RCBTB1: variants seen among roughly 807,000 people sequenced by gnomAD.
RCBTB1 encodes the protein RCC1 and BTB domain containing protein 1, also known as RCC1 and BTB domain-containing protein 1.
In RCBTB1, 46 loss-of-function variants were observed where a neutral mutation model predicts 62.4. That is an observed-to-expected ratio of 0.74 (90% CI 0.58 to 0.94). RCBTB1 has a LOEUF of 0.94. Among genes scored for constraint, RCBTB1 ranks in the 40% least tolerant of loss-of-function variants. RCBTB1 has a pLI of 0.00. For synonymous variants in RCBTB1, 222 were observed against 245.8 expected (o/e 0.90, Z 0.91); for missense variants, 565 against 654.9 (o/e 0.86, Z 1.50).
rs189670200 is a variant in RCBTB1, at chr13:49,534,832, G to A, written c.1456-570C>T. 7.2e-5 allele frequency among the ~76,000 whole-genome samples: 11 copies of A among 152,230 alleles called. No homozygotes were observed. The East Asian group carries it at 1.7e-3, about 24-fold the overall frequency. ...GCGGATCACTTGAGGTCAGGAGTTC[G>A]AGACCAGCCTGGCCAACATAGGGAA... On this transcript the variant is annotated intron_variant, in intron 12 of 12. Transcript: ENST00000378302.
In RCBTB1 at chr13:49,551,479, A is replaced by G. The variant is rs753560745; in HGVS notation, c.712-11T>C. ...GTAACCGCAGACAATCTGCAAGTAA[A>G]TTGAAACGGTTACCATTAGCAGGAA... On this transcript the variant is annotated splice_polypyrimidine_tract_variant and intron_variant, in intron 7 of 12. Coordinates refer to ENST00000378302, the MANE Select transcript of RCBTB1 (RefSeq NM_018191.4). The G allele has an allele frequency of 6.2e-7, 1 of 1,613,818 alleles. No individual in the cohort carries two copies. The highest frequency in any genetic ancestry group is 1.1e-5 in the South Asian group (1 of 91,016).
At chr13:49,565,945 G>A (rs910809749) in intron 4 of RCBTB1, among the ~76,000 whole-genome samples, 4 of 151,312 alleles carry the variant, frequency 2.6e-5, no homozygotes, top group African/African-American at 7.3e-5. Context: ...TTGGGATGCT[G>A]TTGATCTATG....
At chr13:49,573,463 T>TG in intron 2 of RCBTB1, among the ~76,000 whole-genome samples, 1 of 151,666 alleles carries the variant, frequency 6.6e-6, no homozygotes, top group Admixed American at 6.6e-5. Flanking sequence ...TTTTTTTTTT[T>TG]TTGAGATGGA....
intron 2 of RCBTB1, among the ~76,000 whole-genome samples, chr13:49,572,421 C>T (rs1963466215): frequency 6.6e-6 from 1 of 151,874 alleles, no homozygotes; most frequent in African/African-American, 2.4e-5. Context: ...TTTGCCTAAA[C>T]ATGAAAGAAA....
chr13:49,574,876 G>A (rs1028503993), intron 2 of RCBTB1, among the ~76,000 whole-genome samples: 3 of 152,076 alleles, frequency 2.0e-5, no homozygotes, highest in African/African-American at 7.2e-5. Context: ...ACAAAATGTG[G>A]TCTACACATA....
rs529396862 is a variant in RCBTB1 at position 49,532,061 on chromosome 13, G to T, written c.*2061C>A. ...TAAGAAGTTCAAGAGTACATTTAGG[G>T]CTATCTTAAGAAATATGAATACTTT... On this transcript the variant is annotated 3_prime_UTR_variant, in exon 13 of 13. Coordinates refer to ENST00000378302, the MANE Select transcript of RCBTB1 (RefSeq NM_018191.4). 6.6e-6 allele frequency: 1 copy of T among 152,584 alleles called. No individual in the cohort carries two copies. The highest frequency in any genetic ancestry group is 2.1e-4 in the South Asian group (1 of 4,812). The allele number at this position is 152,584 out of a possible 1,614,324, so 9.5% of individuals were successfully genotyped here.
rs11458278 is a variant in RCBTB1 at position 49,559,655 on chromosome 13, C to CAA, written c.444+261_444+262dup. Among the ~76,000 whole-genome samples the CAA allele has an allele frequency of 4.1e-3, 430 of 103,710 alleles. 12 individuals are homozygous for CAA. Among genetic ancestry groups the CAA allele is most frequent in the Non-Finnish European group, 5.3e-3 (295 of 55,632 alleles). 68.0% of individuals were successfully genotyped at this position (103,710 alleles called of 152,430 possible). A position where few individuals can be genotyped will look rare whatever the true frequency, so the allele number is the denominator to read the frequency against. On this transcript the variant is annotated intron_variant, in intron 5 of 12. Transcript: ENST00000378302. The stretch of plus-strand genomic sequence containing the variant: ...TGGGCGACAGAGCGAGACTCCATCT[C>CAA]AAAAAAAAAAAAAAAAAGAAAGTTG...
chr13:49,554,549 G>A (rs557080365), intron 6 of RCBTB1, among the ~76,000 whole-genome samples: 17 of 152,098 alleles, frequency 1.1e-4, no homozygotes, highest in Admixed American at 2.6e-4. Context: ...GTACCAGTCC[G>A]TGCCCTGTTA....
intron 4 of RCBTB1, among the ~76,000 whole-genome samples, chr13:49,564,840 G>A (rs988916966): frequency 4.0e-5 from 6 of 151,684 alleles, no homozygotes; most frequent in East Asian, 3.9e-4. Context: ...GCAGTGAGCC[G>A]AGATTGCACC....
intron 10 of RCBTB1, 87 bp from the exon 11 acceptor site, chr13:49,541,914 G>A: frequency 7.0e-7 from 1 of 1,436,496 alleles, no homozygotes; most frequent in Non-Finnish European, 9.3e-7. Flanking sequence ...GATAAAATCA[G>A]ATAAACAGAA....
At position 49,567,219 on chromosome 13, in the gene RCBTB1, T is replaced by A; in HGVS notation, c.61A>T (p.Ile21Phe). The A allele has an allele frequency of 6.2e-7, 1 of 1,614,070 alleles. No homozygotes were observed. The highest frequency in any genetic ancestry group is 8.5e-7 in the Non-Finnish European group (1 of 1,179,952). Residue 21 changes from isoleucine (I) to phenylalanine (F), a missense_variant, in exon 3 of 13, where the codon ATT (isoleucine) becomes TTT (phenylalanine). Coordinates refer to ENST00000378302, the MANE Select transcript of RCBTB1 (RefSeq NM_018191.4). ...GTGCCGAAGACACACGCCTTCCGAATAGACGCGATCTCTTGAGGGGAGAGT... is the reference window on the plus strand; with the variant it reads ...GTGCCGAAGACACACGCCTTCCGAAAAGACGCGATCTCTTGAGGGGAGAGT... ...TLLSPQEIAS[I>F]RKACVFGTSA...
At chr13:49,545,025 A>T in intron 9 of RCBTB1, among the ~76,000 whole-genome samples, 162 bp from the exon 10 acceptor site, 1 of 152,122 alleles carries the variant, frequency 6.6e-6, no homozygotes, top group East Asian at 1.9e-4. Context: ...TATTAAAGTA[A>T]GTATCCTGCA....
At position 49,541,672 on chromosome 13, in the gene RCBTB1, G is replaced by A; in HGVS notation, c.1324+4C>T. The A allele has an allele frequency of 6.2e-7, 1 of 1,608,210 alleles. No homozygotes were observed. The highest frequency in any genetic ancestry group is 8.5e-7 in the Non-Finnish European group (1 of 1,177,990). Reference sequence around the variant, plus strand: ...GCTCGTCCATCCCAATGCTACCACAGTACCTATAGCATCTTCTGGCGGCAG... The same window carrying A: ...GCTCGTCCATCCCAATGCTACCACAATACCTATAGCATCTTCTGGCGGCAG... On this transcript the variant is annotated splice_donor_region_variant and intron_variant, in intron 11 of 12. Coordinates refer to ENST00000378302, the MANE Select transcript of RCBTB1 (RefSeq NM_018191.4).
At chr13:49,575,294 A>G (rs1963698349) in intron 2 of RCBTB1, among the ~76,000 whole-genome samples, 1 of 152,150 alleles carries the variant, frequency 6.6e-6, no homozygotes, top group East Asian at 1.9e-4. Context: ...AACACTATAC[A>G]CTGTTAGTGG....
At chr13:49,550,301 T>A (rs1005527480) in intron 8 of RCBTB1, 6 of 281,544 alleles carry the variant, frequency 2.1e-5, no homozygotes, top group Non-Finnish European at 2.1e-5. Context: ...AATGTAACTT[T>A]TTCTCTCATC....
chr13:49,544,921 A>G (rs370772744), intron 9 of RCBTB1, 58 bp from the exon 10 acceptor site: 12 of 1,426,260 alleles, frequency 8.4e-6, no homozygotes, highest in Admixed American at 5.9e-5. Flanking sequence ...TGAAGATTCA[A>G]AAGACTTCAA....
intron 9 of RCBTB1, chr13:49,547,119 C>T: frequency 7.8e-7 from 1 of 1,285,184 alleles, no homozygotes; most frequent in Non-Finnish European, 1.0e-6. Flanking sequence ...ATGTGCAATT[C>T]TGGCCAAATA....
Position 49,559,525 on chromosome 13 carries a change from G to A in RCBTB1, c.444+393C>T, listed in dbSNP as rs920574463. On this transcript the variant is annotated intron_variant, in intron 5 of 12. Coordinates refer to ENST00000378302, the MANE Select transcript of RCBTB1 (RefSeq NM_018191.4). ...CAAAAAATTAGGCGGGTGTGGTGGT[G>A]GGTGCCTGTAGTCCCAGCTACTTGG... 1.3e-4 allele frequency among the ~76,000 whole-genome samples: 20 copies of A among 152,004 alleles called. 1 individual carries two copies. Among genetic ancestry groups the A allele is most frequent in the African/African-American group, 4.3e-4 (18 of 41,380 alleles).
intron 6 of RCBTB1, among the ~76,000 whole-genome samples, chr13:49,553,107 G>C (rs1270956337): frequency 1.3e-5 from 2 of 152,076 alleles, no homozygotes; most frequent in Non-Finnish European, 2.9e-5. Context: ...ACTTGAACCT[G>C]GGAGGCAGAG....
Sources: allele counts gnomAD v4.1 joint callset (sites outside exome capture counted in the v4.1 genomes callset), GRCh38; gene constraint gnomAD v4.1.1; transcripts MANE v1.5; gene names NCBI Gene and HGNC (gene_info 2026-07-23, HGNC 2026-07-21).